The following HMCN2 variants were observed in gnomAD, a reference collection of about 807,000 sequenced individuals.
The protein encoded by HMCN2 is hemicentin 2.
HMCN2 carries 325 observed loss-of-function variants against 377.5 expected under a neutral mutation model. That is an observed-to-expected ratio of 0.86 (90% CI 0.79 to 0.94). The LOEUF is 0.94. Ranked by LOEUF, HMCN2 falls within the 40% of genes least tolerant of loss-of-function variation. The pLI is 0.00. For synonymous variants in HMCN2, 2,007 were observed against 2,046.8 expected (o/e 0.98, Z 0.53); for missense variants, 4,543 against 4,725.3 (o/e 0.96, Z 1.13).
intron 77 of HMCN2, 95 bp from the exon 78 acceptor site, chr9:130,402,690 TTGAG>T: frequency 1.6e-6 from 1 of 637,856 alleles, no homozygotes; most frequent in East Asian, 6.9e-5. Flanking sequence ...AGGAGGCAGG[TTGAG>T]TGACCAGAGA....
chr9:130,413,991 CAAAAAA>C (rs33963612), intron 85 of HMCN2, among the ~76,000 whole-genome samples: 5,448 of 137,064 alleles, frequency 0.04, 249 homozygotes, highest in African/African-American at 0.11. Flanking sequence ...ACCAAAAATA[CAAAAAA>C]AAAAAAAAAA....
rs1564880021 is a variant in HMCN2 at position 130,422,060 on chromosome 9, G to C, written c.13232-517G>C. Among the ~76,000 whole-genome samples, 1 of 152,246 alleles carries C rather than the reference G, an allele frequency of 6.6e-6. No individual in the cohort carries two copies. Among genetic ancestry groups the C allele is most frequent in the African/African-American group, 2.4e-5 (1 of 41,470 alleles). On this transcript the variant is annotated intron_variant, in intron 86 of 97. Coordinates refer to ENST00000683500, the MANE Select transcript of HMCN2 (RefSeq NM_001291815.2). This position sits in a 1 kb window ranked among gnomAD's most constrained non-coding sequence, Gnocchi z 4.2. Reference sequence around the variant, plus strand: ...CTGCTCACAGATGGCCTGGCGGGCAGCGGCTAGGAAACCAGCCCACCCGGC... The same window carrying C: ...CTGCTCACAGATGGCCTGGCGGGCACCGGCTAGGAAACCAGCCCACCCGGC...
chr9:130,430,306 G>A lies in HMCN2; in HGVS notation c.14349G>A (p.Leu4783=). 6.5e-7 allele frequency: 1 copy of A among 1,542,138 alleles called. No individual in the cohort carries two copies. The highest frequency in any genetic ancestry group is 1.2e-5 in the South Asian group (1 of 84,010). The change falls in exon 95 of 98, where the codon CTG becomes CTA. Residue 4783 remains leucine, a synonymous_variant. Transcript: ENST00000683500. ...PCLDVNECLQ[L]PKACAYQCHN... ...CAGATGTCAATGAGTGCCTGCAGCT[G>A]CCCAAGGCCTGCGCCTACCAGTGCC... is the stretch of plus-strand genomic sequence containing the variant.
At chr9:130,403,987 G>A (rs962804127) in intron 80 of HMCN2, 112 bp downstream of exon 80, 2 of 1,006,616 alleles carry the variant, frequency 2.0e-6, no homozygotes, top group African/African-American at 3.4e-5. Flanking sequence ...GTTCTAGAAG[G>A]AATTAAGGGG....
Position 130,307,501 on chromosome 9 carries a change from G to A in HMCN2, c.2135G>A (p.Gly712Glu), listed in dbSNP as rs1220565492. The change falls in exon 14 of 98, where the codon GGG becomes GAG. Residue 712 changes from glycine (G) to glutamate (E), a missense_variant. By Grantham distance (98) the Gly-to-Glu change is moderately conservative (BLOSUM62 -2). Around this residue, in one of 5 missense-constraint regions of HMCN2, gnomAD observed 547 missense variants for 189.9 expected, o/e 2.88. Transcript: ENST00000683500. The part of the protein sequence containing the change: ...AVNAVVLVAV[G>E]EEAVLVCEAS... ...AATGCCGTGGTGCTGGTGGCCGTTG[G>A]GGAGGAGGCTGTGTTGGTGTGTGAG... The A allele has an allele frequency of 8.7e-5, 41 of 471,114 alleles. No individual in the cohort carries two copies. The highest frequency in any genetic ancestry group is 1.5e-4 in the Non-Finnish European group (35 of 227,078). The allele number at this position is 471,114 out of a possible 1,614,324, so 29.2% of individuals were successfully genotyped here. A position where few individuals can be genotyped will look rare whatever the true frequency, so the allele number is the denominator to read the frequency against.
intron 62 of HMCN2, among the ~76,000 whole-genome samples, chr9:130,390,074 C>A (rs1022982995): frequency 4.6e-5 from 7 of 152,210 alleles, no homozygotes; most frequent in African/African-American, 1.7e-4. Flanking sequence ...TGTGTCATCG[C>A]CTCTCGCGGG....
rs1844495158 is a variant in HMCN2 at position 130,428,053 on chromosome 9, C to G, written c.14066-305C>G. Among the ~76,000 whole-genome samples, 1 of 152,226 alleles carries G rather than the reference C, an allele frequency of 6.6e-6. No individual in the cohort carries two copies. The highest frequency in any genetic ancestry group is 2.1e-4 in the South Asian group (1 of 4,824). On this transcript the variant is annotated intron_variant, in intron 92 of 97. Transcript: ENST00000683500. The surrounding 1 kb of genome is among the most constrained non-coding windows in gnomAD (Gnocchi z 5.0). ...ACCCCCAGTCTGCATCCCTGCACTCCCACCGGGAGGGCCTGGTGCTGCCAA... is the reference window on the plus strand; with the variant it reads ...ACCCCCAGTCTGCATCCCTGCACTCGCACCGGGAGGGCCTGGTGCTGCCAA...
At chr9:130,364,303 T>C (rs977549231) in intron 40 of HMCN2, among the ~76,000 whole-genome samples, 6 of 152,242 alleles carry the variant, frequency 3.9e-5, no homozygotes, top group Non-Finnish European at 5.9e-5. Context: ...GTTCTCCCCC[T>C]GGACCCTGCG....
chr9:130,330,015 C>G (rs1388631530), intron 22 of HMCN2, among the ~76,000 whole-genome samples: 4 of 149,348 alleles, frequency 2.7e-5, no homozygotes, highest in African/African-American at 7.4e-5. Context: ...CTGTCTCCCT[C>G]TTCCCTTTCC....
chr9:130,336,075 C>T (rs1335943270), intron 22 of HMCN2, among the ~76,000 whole-genome samples: 1 of 151,506 alleles, frequency 6.6e-6, no homozygotes, highest in Non-Finnish European at 1.5e-5. Flanking sequence ...TGCTCCGGTG[C>T]ATGTGAGACA....
intron 23 of HMCN2, among the ~76,000 whole-genome samples, chr9:130,339,647 C>T (rs1838945175): frequency 6.6e-6 from 1 of 152,212 alleles, no homozygotes; most frequent in African/African-American, 2.4e-5. Context: ...AAAGCCCATC[C>T]CATTGTGGGC....
intron 25 of HMCN2, among the ~76,000 whole-genome samples, chr9:130,346,781 G>T (rs1387283833): frequency 2.0e-5 from 3 of 152,100 alleles, no homozygotes; most frequent in Non-Finnish European, 2.9e-5. Flanking sequence ...GAGCATAGAC[G>T]CGTCCTCTGA....
chr9:130,392,157 A>T, intron 66 of HMCN2, 39 bp downstream of exon 66: 1 of 984,816 alleles, frequency 1.0e-6, no homozygotes, highest in African/African-American at 1.7e-5. Context: ...TATTCCACTC[A>T]GAGTGGACAT....
rs576975969 is a variant in HMCN2 at position 130,429,624 on chromosome 9, C to T, written c.14265C>T (p.Gly4755=). 51 of 1,549,870 alleles carry T rather than the reference C, an allele frequency of 3.3e-5. No individual in the cohort carries two copies. Among genetic ancestry groups the T allele is most frequent in the Middle Eastern group, 1.7e-4 (1 of 5,990 alleles). The change falls in exon 94 of 98, where the codon GGC becomes GGT. Residue 4755 remains glycine, a synonymous_variant. Coordinates refer to ENST00000683500, the MANE Select transcript of HMCN2 (RefSeq NM_001291815.2). ...ACCAGCTCTGCGAGAACACCCCAGG[C>T]GGTCACCGCTGCAGCTGCCCCAGGG... ...HYNQLCENTP[G]GHRCSCPRGY...
chr9:130,369,929 G>A lies in HMCN2; in HGVS notation c.7069+78G>A. On this transcript the variant is annotated intron_variant, in intron 45 of 97. Coordinates refer to ENST00000683500, the MANE Select transcript of HMCN2 (RefSeq NM_001291815.2). The surrounding 1 kb of genome is among the most constrained non-coding windows in gnomAD (Gnocchi z 4.5). ...AAGGTGGGTTCAATCTCCAGGCACGGCCCTCAGGCTGTGATCCTGGGGTCA... is the reference window on the plus strand; with the variant it reads ...AAGGTGGGTTCAATCTCCAGGCACGACCCTCAGGCTGTGATCCTGGGGTCA... The A allele has an allele frequency of 1.2e-6, 1 of 866,300 alleles. No individual in the cohort carries two copies. The allele number at this position is 866,300 out of a possible 1,614,324, so 53.7% of individuals were successfully genotyped here. A position where few individuals can be genotyped will look rare whatever the true frequency, so the allele number is the denominator to read the frequency against.
intron 94 of HMCN2, chr9:130,429,954 G>C (rs191128507): frequency 2.9e-5 from 18 of 630,192 alleles, no homozygotes; most frequent in East Asian, 2.6e-4. Context: ...AATTTCAGGA[G>C]GGGGAGGACT....
chr9:130,323,908 G>C (rs1370672809), intron 19 of HMCN2, among the ~76,000 whole-genome samples: 1 of 152,018 alleles, frequency 6.6e-6, no homozygotes, highest in East Asian at 1.9e-4. Flanking sequence ...CACCATGTTG[G>C]CCAGGCTGGT....
chr9:130,428,575 C>G lies in HMCN2; in HGVS notation c.14197+86C>G. 1 of 1,469,420 alleles carries G rather than the reference C, an allele frequency of 6.8e-7. No individual in the cohort carries two copies. The highest frequency in any genetic ancestry group is 1.3e-5 in the South Asian group (1 of 77,628). The allele number at this position is 1,469,420 out of a possible 1,614,324, so 91.0% of individuals were successfully genotyped here. A position where few individuals can be genotyped will look rare whatever the true frequency, so the allele number is the denominator to read the frequency against. On this transcript the variant is annotated intron_variant, in intron 93 of 97. Coordinates refer to ENST00000683500, the MANE Select transcript of HMCN2 (RefSeq NM_001291815.2). The surrounding 1 kb of genome is among the most constrained non-coding windows in gnomAD (Gnocchi z 5.0). ...TCAGCTGACAGGGGGCTGTGTGTCA[C>G]TGGGCTCTGGGCTTCCAGGAAGACT...
At position 130,365,967 on chromosome 9, in the gene HMCN2, C is replaced by T; in HGVS notation, c.6597C>T (p.Pro2199=). ...TGTCCTGCGAATGCCGGGGTGTCCC[C>T]TTCCCCAAGATCTCCTGGAGGAAGG... ...TRLSCECRGV[P]FPKISWRKDG... Residue 2199 remains proline, a synonymous_variant, in exon 43 of 98, where the codon CCC becomes CCT. Coordinates refer to ENST00000683500, the MANE Select transcript of HMCN2 (RefSeq NM_001291815.2). 1 of 985,928 alleles carries T rather than the reference C, an allele frequency of 1.0e-6. No individual in the cohort carries two copies. The allele number at this position is 985,928 out of a possible 1,614,324, so 61.1% of individuals were successfully genotyped here.
Sources: gnomAD v4.1 joint callset for allele counts (sites outside exome capture counted in the v4.1 genomes callset) on GRCh38, gnomAD v4.1.1 for gene constraint, gnomAD v4.1.1 regional missense constraint, Gnocchi (gnomAD v3.1) non-coding constraint, MANE v1.5 for transcripts, NCBI Gene and HGNC (gene_info 2026-07-23, HGNC 2026-07-21) for gene names.